Variants in WDR46 observed in about 807,000 individuals in gnomAD.
WDR46 encodes the protein WD repeat-containing protein 46.
In WDR46, 58 loss-of-function variants were observed where a neutral mutation model predicts 74.7. That is an observed-to-expected ratio of 0.78 (90% CI 0.63 to 0.97). The LOEUF is 0.97. Ranked by LOEUF, WDR46 falls within the 50% of genes least tolerant of loss-of-function variation. The probability of loss-of-function intolerance (pLI) is 0.00; values close to 1 mark genes in which losing one functional copy is unlikely to be tolerated. For synonymous variants in WDR46, 278 were observed against 297.3 expected, an observed-to-expected ratio of 0.93 and a Z score of 0.67; for missense variants, 702 against 790.1, an observed-to-expected ratio of 0.89 and a Z score of 1.34.
At position 33,279,265 on chromosome 6, in the gene WDR46, T is replaced by G; in HGVS notation, c.*11A>C. 1 of 1,614,142 alleles carries G rather than the reference T, an allele frequency of 6.2e-7. No individual in the cohort carries two copies. Among genetic ancestry groups the G allele is most frequent in the Non-Finnish European group, 8.5e-7 (1 of 1,180,010 alleles). ...GGGAGAGACTGTTCCCAGGCAACCC[T>G]GGAGTCTGGCTCAGCGCACAAATCT... is the stretch of plus-strand genomic sequence containing the variant. On this transcript the variant is annotated 3_prime_UTR_variant, in exon 15 of 15. Coordinates refer to ENST00000374617, the MANE Select transcript of WDR46 (RefSeq NM_005452.6).
chr6:33,287,022 T>A, intron 9 of WDR46, 69 bp downstream of exon 9: 13 of 1,590,994 alleles, frequency 8.2e-6, no homozygotes, highest in Non-Finnish European at 1.0e-5. Context: ...TTTAAGGGAC[T>A]CATGAAGTAC....
chr6:33,279,414 G>A, intron 14 of WDR46, 40 bp from the exon 15 acceptor site: 6 of 1,611,962 alleles, frequency 3.7e-6, no homozygotes, highest in Non-Finnish European at 4.2e-6. Flanking sequence ...CACAGAGTGA[G>A]AAGTGGCAGG....
At chr6:33,284,866 T>G (rs1242718279) in intron 10 of WDR46, 1 of 153,768 alleles carries the variant, frequency 6.5e-6, no homozygotes, top group Non-Finnish European at 1.5e-5. Flanking sequence ...TGGCTGCTTT[T>G]GCTCTACAAC....
intron 10 of WDR46, 115 bp downstream of exon 10, chr6:33,286,680 C>T: frequency 6.2e-6 from 6 of 969,048 alleles, no homozygotes; most frequent in Non-Finnish European, 9.5e-6. Context: ...CGTGGTAACA[C>T]TGCGATTTAA....
rs372085209 is a variant in WDR46 at position 33,287,678 on chromosome 6, G to A, written c.664C>T (p.Leu222Phe). ...FGGRRGHVAA[L>F]DWVTKKLMCE... ...ATAAGCTTCTTTGTTACCCAATCAAGGGCAGCCACATGACCTCGGCGCCCT... is the reference window on the plus strand; with the variant it reads ...ATAAGCTTCTTTGTTACCCAATCAAAGGCAGCCACATGACCTCGGCGCCCT... Residue 222 changes from leucine (L) to phenylalanine (F), a missense_variant, in exon 7 of 15, where the codon CTT becomes TTT. Coordinates refer to ENST00000374617, the MANE Select transcript of WDR46 (RefSeq NM_005452.6). 1.1e-5 allele frequency: 17 copies of A among 1,613,978 alleles called. No individual in the cohort carries two copies. Among genetic ancestry groups the A allele is most frequent in the Non-Finnish European group, 1.4e-5 (17 of 1,180,000 alleles).
At position 33,287,104 on chromosome 6, in the gene WDR46, G is replaced by A. The variant is rs142670301; in HGVS notation, c.1002C>T (p.Leu334=). 20 of 1,613,940 alleles carry A rather than the reference G, an allele frequency of 1.2e-5. No individual in the cohort carries two copies. The highest frequency in any genetic ancestry group is 5.5e-5 in the South Asian group (5 of 91,046). Residue 334 remains leucine, a synonymous_variant, in exon 9 of 15, where the codon CTC becomes CTT. Transcript: ENST00000374617. The part of the protein sequence containing the change: ...SQNPYNAVIH[L]GHSNGTVSLW... ...CCAGGTACTGACCATTGCTGTGTCC[G>A]AGATGGATGACGGCATTGTAAGGGT... is the stretch of plus-strand genomic sequence containing the variant.
intron 2 of WDR46, 54 bp downstream of exon 2, chr6:33,288,750 C>T (rs1766960721): frequency 2.5e-6 from 4 of 1,613,172 alleles, no homozygotes; most frequent in Middle Eastern, 1.6e-4. Flanking sequence ...CCAACCCTCT[C>T]ACTCTCAAGG....
chr6:33,284,539 A>G (rs1156611420), intron 10 of WDR46: 1 of 153,820 alleles, frequency 6.5e-6, no homozygotes, highest in East Asian at 1.9e-4. Flanking sequence ...ATCATCTTGA[A>G]TGACAATGAT....
intron 12 of WDR46, among the ~76,000 whole-genome samples, 188 bp downstream of exon 12, chr6:33,280,240 G>A (rs1280775856): frequency 6.7e-6 from 1 of 149,118 alleles, no homozygotes; most frequent in African/African-American, 2.5e-5. Flanking sequence ...TCTCCAGGAA[G>A]AGGAAACCTT....
At position 33,288,700 on chromosome 6, in the gene WDR46, G is replaced by A. The variant is rs753707767; in HGVS notation, c.280-6C>T. The A allele has an allele frequency of 4.6e-5, 74 of 1,613,144 alleles. No individual in the cohort carries two copies. Among genetic ancestry groups the A allele is most frequent in the Non-Finnish European group, 5.9e-5 (70 of 1,179,544 alleles). ...CCTGGGAATGGATCTTGGGTCTAGG[G>A]GAAAGGAGGACGCAATTAGCAGACA... On this transcript the variant is annotated splice_region_variant and splice_polypyrimidine_tract_variant and intron_variant, in intron 2 of 14. Coordinates refer to ENST00000374617, the MANE Select transcript of WDR46 (RefSeq NM_005452.6).
At chr6:33,285,067 A>G (rs1361070274) in intron 10 of WDR46, among the ~76,000 whole-genome samples, 2 of 152,238 alleles carry the variant, frequency 1.3e-5, no homozygotes, top group Non-Finnish European at 2.9e-5. Context: ...GATCAGCATG[A>G]ACATGAATAT....
In WDR46 at chr6:33,288,904, T is replaced by C. The variant is rs779219416; in HGVS notation, c.179A>G (p.Asn60Ser). The change falls in exon 2 of 15, where the codon AAT (asparagine) becomes AGT (serine). Residue 60 changes from asparagine (N) to serine (S), a missense_variant. Physicochemically the swap from Asn to Ser is conservative, Grantham distance 46 (BLOSUM62 1). Coordinates refer to ENST00000374617, the MANE Select transcript of WDR46 (RefSeq NM_005452.6). ...NRELRPQRPK[N>S]AYILKKSRIS... is the part of the protein sequence containing the mutation. ...CCGAGACTTCTTTAAGATGTAAGCA[T>C]TTTTTGGTCTCTGAGGACGGAGCTC... 2 of 1,614,040 alleles carry C rather than the reference T, an allele frequency of 1.2e-6. No homozygotes were observed. Among genetic ancestry groups the C allele is most frequent in the Non-Finnish European group, 1.7e-6 (2 of 1,179,978 alleles).
In WDR46 at chr6:33,280,482, T is replaced by C; in HGVS notation, c.1470A>G (p.Pro490=). The change falls in exon 12 of 15, where the codon CCA becomes CCG. Residue 490 remains proline (P), a synonymous_variant. Coordinates refer to ENST00000374617, the MANE Select transcript of WDR46 (RefSeq NM_005452.6). ...CCTGGCGCTGCTTCCGGCTTCTGTA[T>C]GGATTACTCTCCAGGCCATCGAAGT... ...EPNFDGLESN[P]YRSRKQRQEW... The C allele has an allele frequency of 6.2e-7, 1 of 1,601,134 alleles. No individual in the cohort carries two copies. Among genetic ancestry groups the C allele is most frequent in the Admixed American group, 1.7e-5 (1 of 58,424 alleles).
chr6:33,283,206 C>CT lies in WDR46; in HGVS notation c.1116-2220dup, dbSNP rs539659854. Among the ~76,000 whole-genome samples, 431 of 150,906 alleles carry CT rather than the reference C, an allele frequency of 2.9e-3. 1 individual carries two copies. Among genetic ancestry groups the CT allele is most frequent in the African/African-American group, 1.0e-2 (411 of 41,190 alleles). On this transcript the variant is annotated intron_variant, in intron 10 of 14. Coordinates refer to ENST00000374617, the MANE Select transcript of WDR46 (RefSeq NM_005452.6). ...CCTGGGTGACAGAGTGAGACTCCGTCTCAAAAAAAAAAGATACAATTATGC... is the reference window on the plus strand; with the variant it reads ...CCTGGGTGACAGAGTGAGACTCCGTCTTCAAAAAAAAAAGATACAATTATGC...
intron 10 of WDR46, 141 bp from the exon 11 acceptor site, chr6:33,281,128 G>A (rs1391172395): frequency 2.5e-6 from 2 of 788,314 alleles, no homozygotes; most frequent in African/African-American, 3.5e-5. Context: ...ACACTCCACA[G>A]GCATCCTCTC....
At chr6:33,288,314 T>C (rs2150912576) in intron 4 of WDR46, 44 bp downstream of exon 4, 5 of 1,613,354 alleles carry the variant, frequency 3.1e-6, no homozygotes, top group East Asian at 2.2e-5. Context: ...GAAAAGACAG[T>C]CCCAAAAGGC....
At position 33,287,444 on chromosome 6, in the gene WDR46, T is replaced by C. The variant is rs1169301012; in HGVS notation, c.790A>G (p.Asn264Asp). 3 of 1,612,498 alleles carry C rather than the reference T, an allele frequency of 1.9e-6. No individual in the cohort carries two copies. Among genetic ancestry groups the C allele is most frequent in the Non-Finnish European group, 2.5e-6 (3 of 1,179,808 alleles). Residue 264 changes from asparagine to aspartate, a missense_variant, in exon 8 of 15, where the codon AAT becomes GAT. By Grantham distance (23) the Asn-to-Asp change is conservative (BLOSUM62 1). Coordinates refer to ENST00000374617, the MANE Select transcript of WDR46 (RefSeq NM_005452.6). ...AQNRWLHIYD[N>D]QGIELHCIRR... ...ATACAGTGGAGCTCAATGCCCTGAT[T>C]GTCATAGATGTGGAGCCAGCGGTTC...
At position 33,279,733 on chromosome 6, in the gene WDR46, G is replaced by A. The variant is rs528507375; in HGVS notation, c.1620+31C>T. On this transcript the variant is annotated intron_variant, in intron 13 of 14. Transcript: ENST00000374617. ...GGGGAGAGGATGTGGGGGAGAAGAC[G>A]GGCCTGGGCATTCAGGGGCCTGCTC... The A allele has an allele frequency of 4.3e-6, 7 of 1,613,314 alleles. No homozygotes were observed. The Admixed American group carries it at 5.0e-5, about 12-fold the overall frequency.
Position 33,287,488 on chromosome 6 carries a change from G to A in WDR46, c.746C>T (p.Ala249Val), listed in dbSNP as rs1024899209. 5.6e-6 allele frequency: 9 copies of A among 1,613,026 alleles called. No homozygotes were observed. Among genetic ancestry groups the A allele is most frequent in the Non-Finnish European group, 7.6e-6 (9 of 1,179,930 alleles). Residue 249 changes from alanine (A) to valine (V), a missense_variant, in exon 8 of 15, where the codon GCA (alanine) becomes GTA (valine). Transcript: ENST00000374617. Reference sequence around the variant, plus strand: ...GCGGTTCTGAGCAACAGCAAGCAGTGCCTCAGAATGGAGAAACCTGGGGGA... The same window carrying A: ...GCGGTTCTGAGCAACAGCAAGCAGTACCTCAGAATGGAGAAACCTGGGGGA... ...VRDIRFLHSE[A>V]LLAVAQNRWL...
Sources: allele counts gnomAD v4.1 joint callset (sites outside exome capture counted in the v4.1 genomes callset), GRCh38; gene constraint gnomAD v4.1.1; transcripts MANE v1.5; gene names NCBI Gene and HGNC (gene_info 2026-07-23, HGNC 2026-07-21).